Variants in ANO1 observed in about 807,000 individuals in gnomAD.
ANO1 encodes anoctamin 1.
Under a neutral mutation model 124.0 loss-of-function variants are expected in ANO1, and 59 were observed. The observed-to-expected ratio is 0.48, with a 90% CI of 0.39 to 0.59. The LOEUF (loss-of-function observed/expected upper bound fraction) is 0.59, where lower values mean the gene tolerates loss of function less well. Among genes scored for constraint, ANO1 ranks in the 20% least tolerant of loss-of-function variants. The pLI is 0.00. For missense variants in ANO1, 1,059 were observed against 1,328.0 expected (o/e 0.80, Z 3.15); for synonymous variants, 529 against 532.0 (o/e 0.99, Z 0.08).
chr11:70,069,822 G>C (rs918647172), intron 1 of ANO1, among the ~76,000 whole-genome samples: 1 of 152,188 alleles, frequency 6.6e-6, no homozygotes, highest in Non-Finnish European at 1.5e-5. Context: ...TTCAGGAAGA[G>C]CTTCTGGATG....
At chr11:70,002,461 C>CAACAAAAAAAAAAAA (rs1856399300) in intron 1 of ANO1, among the ~76,000 whole-genome samples, 1 of 94,960 alleles carries the variant, frequency 1.1e-5, no homozygotes, top group African/African-American at 3.6e-5. Context: ...GAGACTCCAC[C>CAACAAAAAAAAAAAA]AAAAAAAAAA....
intron 1 of ANO1, among the ~76,000 whole-genome samples, chr11:70,061,932 T>C (rs1299616651): frequency 6.6e-6 from 1 of 152,176 alleles, no homozygotes; most frequent in African/African-American, 2.4e-5. Flanking sequence ...AGGGCCTCAG[T>C]TTCCTCATCT....
the ANO1 span, among the ~76,000 whole-genome samples, chr11:69,970,435 C>G: frequency 1.3e-5 from 2 of 152,196 alleles, no homozygotes; most frequent in Non-Finnish European, 2.9e-5. Flanking sequence ...GATCAGTCCT[C>G]CTGGGAATGT....
chr11:70,077,930 G>C (rs1287085083), upstream of ANO1, among the ~76,000 whole-genome samples: 1 of 152,132 alleles, frequency 6.6e-6, no homozygotes, highest in Non-Finnish European at 1.5e-5. Context: ...CAGGAACCAG[G>C]CAAGCTCCCC....
chr11:70,038,810 TACTTC>T (rs1555004737), intron 1 of ANO1, among the ~76,000 whole-genome samples: 3 of 152,190 alleles, frequency 2.0e-5, no homozygotes, highest in African/African-American at 7.2e-5. Context: ...AGCAGTAAAG[TACTTC>T]CTTGATGGTC....
intron 1 of ANO1, among the ~76,000 whole-genome samples, chr11:70,017,817 G>T (rs1011661123): frequency 6.6e-6 from 1 of 152,012 alleles, no homozygotes; most frequent in Non-Finnish European, 1.5e-5. Context: ...ACAGTACCTG[G>T]CCTATTTTCC....
chr11:70,111,871 T>C, intron 7 of ANO1, 109 bp downstream of exon 7: 1 of 1,165,974 alleles, frequency 8.6e-7, no homozygotes, highest in East Asian at 2.3e-5. Flanking sequence ...AGCTTCCTGC[T>C]TGGCTCTCGC....
At chr11:70,183,473 T>G (rs934336444) in intron 24 of ANO1, among the ~76,000 whole-genome samples, 1 of 152,150 alleles carries the variant, frequency 6.6e-6, no homozygotes, top group African/African-American at 2.4e-5. Flanking sequence ...TCTCCTTGGC[T>G]TGGCCTGGGT....
chr11:69,981,517 C>A (rs1239668167), upstream of ANO1, among the ~76,000 whole-genome samples: 1 of 152,206 alleles, frequency 6.6e-6, no homozygotes, highest in Non-Finnish European at 1.5e-5. Flanking sequence ...GTCCAAGGGC[C>A]CCTCTGCAAG....
At chr11:69,992,216 AGATGGATGGATGGATG>A (rs59821789) in intron 1 of ANO1, among the ~76,000 whole-genome samples, 37 of 147,170 alleles carry the variant, frequency 2.5e-4, no homozygotes, top group Non-Finnish European at 5.0e-4. Flanking sequence ...ACGAATGGAT[AGATGGATGGATGGATG>A]GATGGATGGA....
At chr11:70,058,273 A>C (rs1232768119) in intron 1 of ANO1, among the ~76,000 whole-genome samples, 1 of 152,214 alleles carries the variant, frequency 6.6e-6, no homozygotes, top group Non-Finnish European at 1.5e-5. Flanking sequence ...ATTTACTTGG[A>C]TGGCAAGTTT....
chr11:69,981,804 G>A (rs1696077217), upstream of ANO1, among the ~76,000 whole-genome samples: 3 of 152,210 alleles, frequency 2.0e-5, no homozygotes. Flanking sequence ...TATCCAAGAA[G>A]AAATGGATAA....
At chr11:70,047,712 T>A (rs1857283456) in intron 1 of ANO1, among the ~76,000 whole-genome samples, 1 of 152,214 alleles carries the variant, frequency 6.6e-6, no homozygotes, top group Admixed American at 6.5e-5. Context: ...GATTGCATAA[T>A]AAAATCATTT....
chr11:70,066,484 C>G (rs1260196548), intron 1 of ANO1, among the ~76,000 whole-genome samples: 2 of 152,196 alleles, frequency 1.3e-5, no homozygotes, highest in East Asian at 3.9e-4. Context: ...TGGCACCCAT[C>G]ATCAGTCTCT....
intron 1 of ANO1, among the ~76,000 whole-genome samples, chr11:70,003,153 C>T (rs1346719277): frequency 6.6e-6 from 1 of 152,118 alleles, no homozygotes; most frequent in Non-Finnish European, 1.5e-5. Context: ...TATTTACAGA[C>T]CAATTTAAAA....
chr11:70,005,035 C>T (rs1387823612), intron 1 of ANO1, among the ~76,000 whole-genome samples: 1 of 149,636 alleles, frequency 6.7e-6, no homozygotes, highest in African/African-American at 2.5e-5. Context: ...ATTGCTAGAA[C>T]CTGGGAGGCG....
chr11:70,045,291 A>G (rs782649045), intron 1 of ANO1, among the ~76,000 whole-genome samples: 3 of 152,194 alleles, frequency 2.0e-5, no homozygotes, highest in Non-Finnish European at 4.4e-5. Flanking sequence ...TAAAAATCCA[A>G]TATTTCCTTT....
chr11:69,980,209 C>G, the ANO1 span, among the ~76,000 whole-genome samples: 3 of 152,124 alleles, frequency 2.0e-5, no homozygotes, highest in African/African-American at 7.2e-5. Context: ...CATCTGAGGT[C>G]CCTAGAGCAG....
At chr11:70,095,279 G>GGAAA (rs879855418) in intron 2 of ANO1, among the ~76,000 whole-genome samples, 2 of 95,462 alleles carry the variant, frequency 2.1e-5, no homozygotes, top group African/African-American at 4.6e-5. Flanking sequence ...AAGGAAGGAA[G>GGAAA]GAAGGAAGGA....
Sources: gnomAD v4.1 joint callset for allele counts (sites outside exome capture counted in the v4.1 genomes callset) on GRCh38, gnomAD v4.1.1 for gene constraint, MANE v1.5 for transcripts, NCBI Gene and HGNC (gene_info 2026-07-23, HGNC 2026-07-21) for gene names.